The following USP33 variants were observed in gnomAD, a reference collection of about 807,000 sequenced individuals.
USP33 encodes the protein ubiquitin specific peptidase 33, also known as ubiquitin carboxyl-terminal hydrolase 33.
In USP33, 46 loss-of-function variants were observed where a neutral mutation model predicts 124.2. That is an observed-to-expected ratio of 0.37 (90% CI 0.29 to 0.47). The LOEUF (loss-of-function observed/expected upper bound fraction) is 0.47. Among genes scored for constraint, USP33 ranks in the 20% least tolerant of loss-of-function variants. The pLI is 0.99. For synonymous variants in USP33, 350 were observed against 352.3 expected, an observed-to-expected ratio of 0.99 and a Z score of 0.07; for missense variants, 851 against 1,070.6, an observed-to-expected ratio of 0.79 and a Z score of 2.86.
chr1:77,728,925 G>A (rs896373391), intron 9 of USP33, among the ~76,000 whole-genome samples: 1 of 151,840 alleles, frequency 6.6e-6, no homozygotes, highest in Non-Finnish European at 1.5e-5. Flanking sequence ...TTTGAGATGG[G>A]GTCTCATTCT....
Position 77,723,456 on chromosome 1 carries a change from A to G in USP33, c.1277-13T>C. The G allele has an allele frequency of 6.5e-7, 1 of 1,549,756 alleles. No individual in the cohort carries two copies. On this transcript the variant is annotated splice_polypyrimidine_tract_variant and intron_variant, in intron 11 of 23. Coordinates refer to ENST00000370794, the MANE Select transcript of USP33 (RefSeq NM_201624.3). ...GATGCAGACTGAGCTAGGATTGAAA[A>G]ACATTAAAAAAAAATCAAAGCAGCT...
intron 1 of USP33, among the ~76,000 whole-genome samples, chr1:77,747,972 C>G (rs1679905569): frequency 6.6e-6 from 1 of 152,070 alleles, no homozygotes; most frequent in South Asian, 2.1e-4. Context: ...ATGACAATAC[C>G]ATATTAATCT....
chr1:77,716,367 GT>G (rs1165971769), intron 17 of USP33, among the ~76,000 whole-genome samples: 10 of 152,156 alleles, frequency 6.6e-5, no homozygotes, highest in African/African-American at 2.4e-4. Context: ...GCGGGGGTCT[GT>G]CCCACAGACC....
intron 1 of USP33, among the ~76,000 whole-genome samples, chr1:77,744,339 A>C (rs528324494): frequency 9.9e-5 from 15 of 152,270 alleles, no homozygotes; most frequent in Non-Finnish European, 1.6e-4. Context: ...AAACCAAGAA[A>C]TAGCACAGAT....
At chr1:77,700,354 C>G (rs935466573) in intron 22 of USP33, among the ~76,000 whole-genome samples, 2 of 152,218 alleles carry the variant, frequency 1.3e-5, no homozygotes, top group Admixed American at 1.3e-4. Flanking sequence ...CTCAGTAATT[C>G]AGCACTTTGG....
chr1:77,701,977 A>G (rs1009901038), intron 21 of USP33, among the ~76,000 whole-genome samples: 2 of 151,606 alleles, frequency 1.3e-5, no homozygotes, highest in African/African-American at 4.8e-5. Flanking sequence ...CTACACACAC[A>G]AAAAATTTTT....
intron 22 of USP33, 134 bp from the exon 23 acceptor site, chr1:77,698,065 A>AT (rs1673593324): frequency 8.0e-6 from 5 of 628,594 alleles, no homozygotes; most frequent in South Asian, 2.3e-5. Flanking sequence ...ATTATAGTTA[A>AT]TTCTTTTTTT....
intron 4 of USP33, 58 bp from the exon 5 acceptor site, chr1:77,739,475 A>C: frequency 1.4e-6 from 2 of 1,474,354 alleles, no homozygotes; most frequent in Non-Finnish European, 1.8e-6. Flanking sequence ...ACTTGAAAAG[A>C]CTTCTTCAAA....
intron 11 of USP33, 48 bp from the exon 12 acceptor site, chr1:77,723,491 T>G: frequency 8.0e-7 from 1 of 1,253,184 alleles, no homozygotes; most frequent in Non-Finnish European, 1.1e-6. Flanking sequence ...TCCTTTAACA[T>G]TTTTCTCTGG....
At chr1:77,704,948 C>A (rs1214009518) in intron 21 of USP33, among the ~76,000 whole-genome samples, 2 of 152,138 alleles carry the variant, frequency 1.3e-5, no homozygotes, top group Non-Finnish European at 2.9e-5. Flanking sequence ...GTATCTGTCA[C>A]TTCCAAAATT....
chr1:77,750,049 G>A (rs1240372316), intron 1 of USP33, among the ~76,000 whole-genome samples: 1 of 151,752 alleles, frequency 6.6e-6, no homozygotes, highest in Admixed American at 6.6e-5. Context: ...GCAGGGCCAG[G>A]TGCGATGACT....
intron 7 of USP33, among the ~76,000 whole-genome samples, chr1:77,731,817 G>A (rs944473566): frequency 6.6e-6 from 1 of 152,044 alleles, no homozygotes; most frequent in African/African-American, 2.4e-5. Flanking sequence ...TCAGAATTTT[G>A]TCCCTGCCAG....
chr1:77,726,522 T>C (rs919701301), intron 10 of USP33, among the ~76,000 whole-genome samples: 3 of 151,794 alleles, frequency 2.0e-5, no homozygotes, highest in African/African-American at 7.3e-5. Flanking sequence ...GGTGTACACC[T>C]GTAGTGCTGG....
chr1:77,749,283 T>C (rs1366683976), intron 1 of USP33, among the ~76,000 whole-genome samples: 2 of 152,232 alleles, frequency 1.3e-5, no homozygotes, highest in Non-Finnish European at 2.9e-5. Context: ...ATTTGGGATT[T>C]ATTTATCTTC....
rs1442008539 is a variant in USP33, at chr1:77,741,726, A to G, written c.-29T>C. 1.2e-6 allele frequency: 2 copies of G among 1,603,634 alleles called. No individual in the cohort carries two copies. Among genetic ancestry groups the G allele is most frequent in the Admixed American group, 3.4e-5 (2 of 57,976 alleles). Reference sequence around the variant, plus strand: ...GTTAGGAATTTTTTCCTGTTTCCCAAGACTTTCAAAATGAGGTAACACCTA... The same window carrying G: ...GTTAGGAATTTTTTCCTGTTTCCCAGGACTTTCAAAATGAGGTAACACCTA... On this transcript the variant is annotated 5_prime_UTR_variant, in exon 2 of 24. Coordinates refer to ENST00000370794, the MANE Select transcript of USP33 (RefSeq NM_201624.3).
rs564951792 is a variant in USP33, at chr1:77,751,740, G to A, written c.-52+7903C>T. Among the ~76,000 whole-genome samples, 7 of 151,942 alleles carry A rather than the reference G, an allele frequency of 4.6e-5. No individual in the cohort carries two copies. The South Asian group carries it at 1.0e-3, about 23-fold the overall frequency. On this transcript the variant is annotated intron_variant, in intron 1 of 23. Transcript: ENST00000370794. ...GTCTTGCTCTGTCGCCCAGGCTTGA[G>A]TGCAGTGGCGCGATCTCAGCTCACT...
intron 7 of USP33, among the ~76,000 whole-genome samples, chr1:77,732,951 A>G (rs1246303346): frequency 6.7e-6 from 1 of 149,484 alleles, no homozygotes; most frequent in Non-Finnish European, 1.5e-5. Context: ...ACACCACCAC[A>G]CCCGGCTAAT....
chr1:77,701,091 AC>A (rs1673966060), intron 22 of USP33, among the ~76,000 whole-genome samples: 1 of 152,112 alleles, frequency 6.6e-6, no homozygotes, highest in African/African-American at 2.4e-5. Flanking sequence ...ACTTTAAGCA[AC>A]CTCTTATTCC....
Position 77,697,274 on chromosome 1 carries a change from A to G in USP33, c.*43T>C, listed in dbSNP as rs1014849824. ...TTTTCGCATGTGTACATGTCAGGGC[A>G]CATGAAAATGATTCCTCATTAGAAC... is the stretch of plus-strand genomic sequence containing the variant. On this transcript the variant is annotated 3_prime_UTR_variant, in exon 24 of 24. Coordinates refer to ENST00000370794, the MANE Select transcript of USP33 (RefSeq NM_201624.3). The G allele has an allele frequency of 6.5e-7, 1 of 1,529,874 alleles. No individual in the cohort carries two copies. The highest frequency in any genetic ancestry group is 8.8e-7 in the Non-Finnish European group (1 of 1,135,590). The allele number at this position is 1,529,874 out of a possible 1,614,324, so 94.8% of individuals were successfully genotyped here.
Sources: allele counts gnomAD v4.1 joint callset (sites outside exome capture counted in the v4.1 genomes callset), GRCh38; gene constraint gnomAD v4.1.1; transcripts MANE v1.5; gene names NCBI Gene and HGNC (gene_info 2026-07-23, HGNC 2026-07-21).